PLSCR4: variants seen among roughly 807,000 people sequenced by gnomAD.
PLSCR4 encodes the protein Ca(2+)-dependent phospholipid scramblase 4.
A neutral mutation model predicts 36.3 loss-of-function variants in PLSCR4; 25 were observed. That is an observed-to-expected ratio of 0.69 (90% CI 0.50 to 0.96). The LOEUF is 0.96. Ranked by LOEUF, PLSCR4 falls within the 40% of genes least tolerant of loss-of-function variation. The probability of loss-of-function intolerance (pLI) is 0.00; values close to 1 mark genes in which losing one functional copy is unlikely to be tolerated. For synonymous variants in PLSCR4, 122 were observed against 132.9 expected, an observed-to-expected ratio of 0.92 and a Z score of 0.56; for missense variants, 408 against 414.7, an observed-to-expected ratio of 0.98 and a Z score of 0.14.
At position 146,194,570 on chromosome 3, in the gene PLSCR4, T is replaced by C. The variant is rs2033611941; in HGVS notation, c.946-115A>G. ...CCCCATTCCAGTTAAAATACATAAA[T>C]TTAGGGAAATATTTATGAAGAGCAC... On this transcript the variant is annotated intron_variant, in intron 8 of 8. Coordinates refer to ENST00000354952, the MANE Select transcript of PLSCR4 (RefSeq NM_020353.3). 4.6e-6 allele frequency: 3 copies of C among 647,794 alleles called. No individual in the cohort carries two copies. The East Asian group carries it at 8.5e-5, about 18-fold the overall frequency. 40.1% of individuals were successfully genotyped at this position (647,794 alleles called of 1,614,324 possible). A position where few individuals can be genotyped will look rare whatever the true frequency, so the allele number is the denominator to read the frequency against.
chr3:146,200,954 A>G (rs538452452), intron 5 of PLSCR4, 81 bp downstream of exon 5: 1 of 872,966 alleles, frequency 1.1e-6, no homozygotes, highest in African/African-American at 1.8e-5. Context: ...CATGATCAAT[A>G]TAAAGAAGGA....
At chr3:146,236,973 T>C (rs1198508025) in intron 1 of PLSCR4, among the ~76,000 whole-genome samples, 1 of 151,790 alleles carries the variant, frequency 6.6e-6, no homozygotes, top group Non-Finnish European at 1.5e-5. Flanking sequence ...ACCTTACCAG[T>C]AATTACCTTA....
At chr3:146,211,789 A>G (rs1052110938) in intron 3 of PLSCR4, among the ~76,000 whole-genome samples, 9 of 152,146 alleles carry the variant, frequency 5.9e-5, no homozygotes, top group African/African-American at 2.2e-4. Flanking sequence ...CATTTGTCTC[A>G]GATCCTTTGT....
intron 3 of PLSCR4, among the ~76,000 whole-genome samples, chr3:146,215,762 T>C (rs1275522652): frequency 6.6e-6 from 1 of 152,174 alleles, no homozygotes; most frequent in Non-Finnish European, 1.5e-5. Context: ...GCTAGAACAG[T>C]AGAAGCCCAA....
chr3:146,199,866 T>C lies in PLSCR4; in HGVS notation c.571A>G (p.Arg191Gly). Reference sequence around the variant, plus strand: ...CAACAGCAGGTGCATCTGAAGGGTCTCTGCATTGTCATGATTTCTCGGCCC... The same window carrying C: ...CAACAGCAGGTGCATCTGAAGGGTCCCTGCATTGTCATGATTTCTCGGCCC... ...CMGREIMTMQ[R>G]PFRCTCCCFC... The change falls in exon 6 of 9, where the codon AGA becomes GGA. Residue 191 changes from arginine to glycine, a missense_variant. Physicochemically the swap from Arg to Gly is moderately radical, Grantham distance 125 (BLOSUM62 -2). Coordinates refer to ENST00000354952, the MANE Select transcript of PLSCR4 (RefSeq NM_020353.3). The C allele has an allele frequency of 6.2e-7, 1 of 1,613,580 alleles. No homozygotes were observed. Among genetic ancestry groups the C allele is most frequent in the South Asian group, 1.1e-5 (1 of 91,072 alleles).
chr3:146,199,884 C>T lies in PLSCR4; in HGVS notation c.553G>A (p.Glu185Lys), dbSNP rs545324591. ...VLRVTDCMGR[E>K]IMTMQRPFRC... ...AAGGGTCTCTGCATTGTCATGATTTCTCGGCCCATACAATCAGTGACCCGG... is the reference window on the plus strand; with the variant it reads ...AAGGGTCTCTGCATTGTCATGATTTTTCGGCCCATACAATCAGTGACCCGG... The change falls in exon 6 of 9, where the codon GAA (glutamate) becomes AAA (lysine). Residue 185 changes from glutamate (E) to lysine (K), a missense_variant. Glu to Lys is a moderately conservative substitution (Grantham distance 56). Coordinates refer to ENST00000354952, the MANE Select transcript of PLSCR4 (RefSeq NM_020353.3). The T allele has an allele frequency of 5.6e-5, 91 of 1,613,598 alleles. 3 individuals are homozygous for T. In the South Asian group the frequency reaches 9.4e-4, roughly 17 times the overall value.
intron 4 of PLSCR4, among the ~76,000 whole-genome samples, chr3:146,205,885 A>G (rs2034302028): frequency 6.6e-6 from 1 of 152,014 alleles, no homozygotes; most frequent in South Asian, 2.1e-4. Flanking sequence ...ATGGGTTTTT[A>G]AACAAAACTA....
intron 3 of PLSCR4, among the ~76,000 whole-genome samples, chr3:146,218,468 G>A (rs1419914347): frequency 2.6e-5 from 4 of 151,288 alleles, no homozygotes; most frequent in African/African-American, 4.8e-5. Context: ...GAGGCTATTC[G>A]TATAGAGATT....
intron 1 of PLSCR4, among the ~76,000 whole-genome samples, chr3:146,236,401 G>C (rs1266973194): frequency 1.3e-5 from 2 of 152,182 alleles, no homozygotes; most frequent in Admixed American, 6.5e-5. Context: ...TAACAGAATA[G>C]TTAAATGCAT....
chr3:146,223,159 T>C (rs1265327743), intron 1 of PLSCR4, among the ~76,000 whole-genome samples: 1 of 152,080 alleles, frequency 6.6e-6, no homozygotes, highest in Non-Finnish European at 1.5e-5. Context: ...TATGGGAACA[T>C]TATGAGAATA....
intron 3 of PLSCR4, among the ~76,000 whole-genome samples, chr3:146,215,631 GTA>G (rs1184918584): frequency 3.9e-5 from 6 of 151,942 alleles, no homozygotes; most frequent in Non-Finnish European, 7.4e-5. Context: ...GTATATGTAT[GTA>G]TATGTTTTTT....
chr3:146,196,834 A>G (rs759804320), intron 6 of PLSCR4, 41 bp from the exon 7 acceptor site: 2 of 1,561,618 alleles, frequency 1.3e-6, no homozygotes, highest in East Asian at 2.3e-5. Context: ...TGCTACATGC[A>G]TACACATACA....
At chr3:146,223,002 CTGAGT>C (rs2035243936) in intron 1 of PLSCR4, among the ~76,000 whole-genome samples, 1 of 152,004 alleles carries the variant, frequency 6.6e-6, no homozygotes, top group Non-Finnish European at 1.5e-5. Flanking sequence ...CCCAAGGTAA[CTGAGT>C]TGACGGTGAT....
intron 1 of PLSCR4, among the ~76,000 whole-genome samples, chr3:146,225,475 AG>A (rs2035414772): frequency 6.6e-6 from 1 of 152,054 alleles, no homozygotes; most frequent in Non-Finnish European, 1.5e-5. Flanking sequence ...GGTGCGGTGG[AG>A]CAGGGGGTGG....
At chr3:146,201,575 T>C (rs888645743) in intron 4 of PLSCR4, among the ~76,000 whole-genome samples, 1 of 152,064 alleles carries the variant, frequency 6.6e-6, no homozygotes, top group Non-Finnish European at 1.5e-5. Context: ...TTATATTATT[T>C]TACAGGTACC....
Position 146,193,015 on chromosome 3 carries a change from C to G in PLSCR4, c.*1396G>C, listed in dbSNP as rs2033487412. On this transcript the variant is annotated 3_prime_UTR_variant, in exon 9 of 9. Coordinates refer to ENST00000354952, the MANE Select transcript of PLSCR4 (RefSeq NM_020353.3). ...GCTTTCTTTATTTAATAAGCAGCAG[C>G]AGAAGAATACATCCCATTCTACATA... 6.6e-6 allele frequency: 1 copy of G among 150,580 alleles called. No individual in the cohort carries two copies. The highest frequency in any genetic ancestry group is 2.5e-5 in the African/African-American group (1 of 40,770). The allele number at this position is 150,580 out of a possible 1,614,324, so 9.3% of individuals were successfully genotyped here. A position where few individuals can be genotyped will look rare whatever the true frequency, so the allele number is the denominator to read the frequency against.
At position 146,205,987 on chromosome 3, in the gene PLSCR4, T is replaced by C. The variant is rs925264653; in HGVS notation, c.354+539A>G. On this transcript the variant is annotated intron_variant, in intron 4 of 8. Coordinates refer to ENST00000354952, the MANE Select transcript of PLSCR4 (RefSeq NM_020353.3). ...TACATAGATGTTAATTAGGGAGTTATTGTGTTGTATGAAGGGGGTCTCTGG... is the reference window on the plus strand; with the variant it reads ...TACATAGATGTTAATTAGGGAGTTACTGTGTTGTATGAAGGGGGTCTCTGG... Among the ~76,000 whole-genome samples the C allele has an allele frequency of 3.8e-4, 58 of 152,066 alleles. 1 individual carries two copies. Among genetic ancestry groups the C allele is most frequent in the Admixed American group, 2.9e-3 (44 of 15,244 alleles).
At chr3:146,233,484 G>A (rs1213365361) in intron 1 of PLSCR4, among the ~76,000 whole-genome samples, 1 of 152,058 alleles carries the variant, frequency 6.6e-6, no homozygotes, top group Non-Finnish European at 1.5e-5. Context: ...ATTTTTTAGA[G>A]AAGTTTTAAG....
At chr3:146,231,110 G>T (rs754756894) in intron 1 of PLSCR4, among the ~76,000 whole-genome samples, 8 of 152,126 alleles carry the variant, frequency 5.3e-5, no homozygotes, top group Non-Finnish European at 8.8e-5. Context: ...TAAATGAGAA[G>T]ATACAGTATT....
Sources: allele counts gnomAD v4.1 joint callset (sites outside exome capture counted in the v4.1 genomes callset), GRCh38; gene constraint gnomAD v4.1.1; transcripts MANE v1.5; gene names NCBI Gene and HGNC (gene_info 2026-07-23, HGNC 2026-07-21).